Variants in ROR2 observed in about 807,000 individuals in gnomAD.
ROR2 encodes the protein ROR family WNT receptor 2.
A neutral mutation model predicts 74.9 loss-of-function variants in ROR2; 33 were observed. That is an observed-to-expected ratio of 0.44 (90% CI 0.33 to 0.59). The LOEUF is 0.59. ROR2 is among the 20% of genes least tolerant of loss of function. The pLI is 0.02. For synonymous variants in ROR2, 586 were observed against 558.7 expected (o/e 1.05, Z -0.69); for missense variants, 1,216 against 1,313.8 (o/e 0.93, Z 1.15).
At chr9:91,741,304 G>GTAATAA (rs149995684) in intron 4 of ROR2, among the ~76,000 whole-genome samples, 10,653 of 135,368 alleles carry the variant, frequency 0.079, 501 homozygotes, top group Middle Eastern at 0.15. Context: ...GTCTCAAGTA[G>GTAATAA]TAATAATAAT....
intron 1 of ROR2, chr9:91,948,639 C>T: frequency 1.0e-6 from 1 of 985,528 alleles, no homozygotes; most frequent in Non-Finnish European, 1.2e-6. Context: ...GCCAGGATAC[C>T]TGGAGCGCGC....
At chr9:91,768,941 T>C (rs1015387009) in intron 2 of ROR2, among the ~76,000 whole-genome samples, 5 of 152,200 alleles carry the variant, frequency 3.3e-5, no homozygotes, top group African/African-American at 1.2e-4. Flanking sequence ...GCCTCGAACA[T>C]GGCCTTCAGC....
In ROR2 at chr9:91,825,912, A is replaced by AT. The variant is rs1195851173; in HGVS notation, c.98-50095_98-50094insA. ...GAGAAGGTCCTTCCATCGGCGAATA[A>AT]ACCAATGAAAAGCTTTAATGCTGAC... On this transcript the variant is annotated intron_variant, in intron 1 of 8. Transcript: ENST00000375708. 3.3e-5 allele frequency among the ~76,000 whole-genome samples: 5 copies of AT among 152,334 alleles called. No individual in the cohort carries two copies. The East Asian group carries it at 9.7e-4, about 29-fold the overall frequency.
intron 2 of ROR2, among the ~76,000 whole-genome samples, chr9:91,762,025 T>C (rs149221962): frequency 6.6e-6 from 1 of 152,214 alleles, no homozygotes; most frequent in East Asian, 1.9e-4. Flanking sequence ...GCAATAATTG[T>C]TGTCTCAGTG....
At chr9:91,834,747 C>T (rs1828563613) in intron 1 of ROR2, among the ~76,000 whole-genome samples, 1 of 152,306 alleles carries the variant, frequency 6.6e-6, no homozygotes, top group Non-Finnish European at 1.5e-5. Context: ...ATTTTAAAGC[C>T]GAGCAAAACT....
At chr9:91,763,360 T>C (rs975115276) in intron 2 of ROR2, among the ~76,000 whole-genome samples, 1 of 152,192 alleles carries the variant, frequency 6.6e-6, no homozygotes, top group African/African-American at 2.4e-5. Flanking sequence ...TCCACTTGGA[T>C]GTGGTGTCAT....
chr9:91,929,234 G>T (rs1421314293), intron 1 of ROR2, among the ~76,000 whole-genome samples: 1 of 152,212 alleles, frequency 6.6e-6, no homozygotes, highest in South Asian at 2.1e-4. Context: ...TGTAAAACAG[G>T]CTGCACCAGT....
rs113193757 is a variant in ROR2 at position 91,825,184 on chromosome 9, A to G, written c.98-49366T>C. Among the ~76,000 whole-genome samples, 455 of 152,314 alleles carry G rather than the reference A, an allele frequency of 3.0e-3. 4 individuals carry two copies. Among genetic ancestry groups the G allele is most frequent in the African/African-American group, 9.8e-3 (406 of 41,562 alleles). ...TAAAGCAAGGCGCCCCTCCCAGGAT[A>G]CGTAAGAAAGCCTTCGGTAATCAGG... is the stretch of plus-strand genomic sequence containing the variant. On this transcript the variant is annotated intron_variant, in intron 1 of 8. Transcript: ENST00000375708.
chr9:91,849,176 T>G (rs1238279779), intron 1 of ROR2, among the ~76,000 whole-genome samples: 2 of 152,196 alleles, frequency 1.3e-5, no homozygotes, highest in Non-Finnish European at 2.9e-5. Flanking sequence ...AGTGGTTTTG[T>G]AATTTCAAGA....
chr9:91,880,078 T>A (rs1482645997), intron 1 of ROR2, among the ~76,000 whole-genome samples: 2 of 152,164 alleles, frequency 1.3e-5, no homozygotes, highest in Non-Finnish European at 2.9e-5. Flanking sequence ...TGTGACTGCA[T>A]TTGGAGACAG....
At chr9:91,736,369 C>T (rs1224740687) in intron 5 of ROR2, among the ~76,000 whole-genome samples, 1 of 152,194 alleles carries the variant, frequency 6.6e-6, no homozygotes, top group Non-Finnish European at 1.5e-5. Context: ...CATGAGGTGA[C>T]TTTCTGCCTT....
intron 1 of ROR2, among the ~76,000 whole-genome samples, chr9:91,790,973 T>C (rs992392808): frequency 6.6e-6 from 1 of 152,196 alleles, no homozygotes; most frequent in Non-Finnish European, 1.5e-5. Flanking sequence ...GTTTAAAAAA[T>C]TTATATAGTA....
chr9:91,911,670 T>C (rs1053558514), intron 1 of ROR2, among the ~76,000 whole-genome samples: 1 of 151,884 alleles, frequency 6.6e-6, no homozygotes, highest in Non-Finnish European at 1.5e-5. Context: ...AAGCAAAAAC[T>C]ACAGATGGAG....
In ROR2 at chr9:91,887,788, C is replaced by CTTTTTT. The variant is rs771557997; in HGVS notation, c.97+62073_97+62078dup. Among the ~76,000 whole-genome samples the CTTTTTT allele has an allele frequency of 8.2e-4, 83 of 100,676 alleles. 3 individuals are homozygous for CTTTTTT. The highest frequency in any genetic ancestry group is 2.4e-3 in the African/African-American group (59 of 24,410). 66.0% of individuals were successfully genotyped at this position (100,676 alleles called of 152,430 possible). On this transcript the variant is annotated intron_variant, in intron 1 of 8. Transcript: ENST00000375708. The stretch of plus-strand genomic sequence containing the variant: ...CTTCTCTCCATAACACTTTTTTTCT[C>CTTTTTT]TTTTTTTTTTTTTTTTTTTTTGAGA...
rs781566018 is a variant in ROR2 at position 91,733,276 on chromosome 9, G to A, written c.783C>T (p.Ser261=). The part of the protein sequence containing the change: ...LCRDECEVLE[S]DLCRQEYTIA... ...TGGTGTACTCCTGGCGGCACAGGTC[G>A]CTCTCCAGCACCTCGCACTCGTCGC... Residue 261 remains serine, a synonymous_variant, in exon 6 of 9, where the codon AGC becomes AGT. Transcript: ENST00000375708. The surrounding 1 kb of genome is among the most constrained non-coding windows in gnomAD (Gnocchi z 5.7). The A allele has an allele frequency of 2.0e-5, 33 of 1,612,848 alleles. No homozygotes were observed. The highest frequency in any genetic ancestry group is 1.6e-4 in the Middle Eastern group (1 of 6,062).
intron 4 of ROR2, among the ~76,000 whole-genome samples, chr9:91,754,102 T>G (rs536446018): frequency 6.6e-6 from 1 of 152,070 alleles, no homozygotes; most frequent in African/African-American, 2.4e-5. Flanking sequence ...GGCGGGACTT[T>G]CCGAAACTGC....
chr9:91,842,341 G>A (rs1353924321), intron 1 of ROR2, among the ~76,000 whole-genome samples: 1 of 152,158 alleles, frequency 6.6e-6, no homozygotes, highest in Non-Finnish European at 1.5e-5. Context: ...ACACATGTAT[G>A]CCAGGTGCCA....
rs36044426 is a variant in ROR2 at position 91,848,764 on chromosome 9, GAA to G, written c.98-72948_98-72947del. ...AGTGAGACTCCGTCTCAGGGGGGAA[GAA>G]AAAAAAAAAAAAAAAAAAAACAGTT... On this transcript the variant is annotated intron_variant, in intron 1 of 8. Transcript: ENST00000375708. Among the ~76,000 whole-genome samples, 162 of 103,758 alleles carry G rather than the reference GAA, an allele frequency of 1.6e-3. 1 individual carries two copies. Among genetic ancestry groups the G allele is most frequent in the Admixed American group, 3.0e-3 (33 of 10,928 alleles). The allele number at this position is 103,758 out of a possible 152,430, so 68.1% of individuals were successfully genotyped here. A position where few individuals can be genotyped will look rare whatever the true frequency, so the allele number is the denominator to read the frequency against.
At chr9:91,763,890 C>A (rs1825985560) in intron 2 of ROR2, among the ~76,000 whole-genome samples, 1 of 152,248 alleles carries the variant, frequency 6.6e-6, no homozygotes, top group Admixed American at 6.5e-5. Flanking sequence ...TTTGAAGCCA[C>A]TGAGATATGC....
Sources: gnomAD v4.1 joint callset for allele counts (sites outside exome capture counted in the v4.1 genomes callset) on GRCh38, gnomAD v4.1.1 for gene constraint, Gnocchi (gnomAD v3.1) non-coding constraint, MANE v1.5 for transcripts, NCBI Gene and HGNC (gene_info 2026-07-23, HGNC 2026-07-21) for gene names.